CLSTN2: variants seen among roughly 807,000 people sequenced by gnomAD.
The protein encoded by CLSTN2 is calsyntenin-2.
Under a neutral mutation model 101.2 loss-of-function variants are expected in CLSTN2, and 48 were observed. The observed-to-expected ratio is 0.47, with a 90% CI of 0.38 to 0.60. CLSTN2 has a LOEUF of 0.60. Among genes scored for constraint, CLSTN2 ranks in the 20% least tolerant of loss-of-function variants. The pLI is 0.00. For synonymous variants in CLSTN2, 481 were observed against 463.6 expected, an observed-to-expected ratio of 1.04 and a Z score of -0.48; for missense variants, 1,160 against 1,238.2, an observed-to-expected ratio of 0.94 and a Z score of 0.95.
intron 1 of CLSTN2, among the ~76,000 whole-genome samples, chr3:139,988,821 C>A (rs776544722): frequency 6.6e-6 from 1 of 152,056 alleles, no homozygotes; most frequent in Non-Finnish European, 1.5e-5. Flanking sequence ...TGGGATCCTG[C>A]CTGGTTTTAG....
chr3:140,421,298 T>A (rs115916379), intron 5 of CLSTN2, 24 bp downstream of exon 5: 5 of 1,613,504 alleles, frequency 3.1e-6, no homozygotes, highest in Middle Eastern at 1.7e-4. Context: ...ATCAGTCTTG[T>A]GTGAAGGCAG....
chr3:140,541,425 G>A (rs1294890866), intron 9 of CLSTN2, among the ~76,000 whole-genome samples: 2 of 152,186 alleles, frequency 1.3e-5, no homozygotes, highest in African/African-American at 4.8e-5. Flanking sequence ...CTGATTGCAG[G>A]GAGATTTGCA....
rs768831563 is a variant in CLSTN2 at position 140,466,703 on chromosome 3, C to T, written c.1316C>T (p.Pro439Leu). Residue 439 changes from proline to leucine, a missense_variant, in exon 8 of 17, where the codon CCC becomes CTC. Coordinates refer to ENST00000458420, the MANE Select transcript of CLSTN2 (RefSeq NM_022131.3). ...KDFDQADTFR[P>L]AEFHWKLDQI... Reference sequence around the variant, plus strand: ...TTCGACCAGGCTGACACCTTTCGCCCCGCGGAGTTCCACTGGAAGCTGGAT... The same window carrying T: ...TTCGACCAGGCTGACACCTTTCGCCTCGCGGAGTTCCACTGGAAGCTGGAT... 2 of 1,613,994 alleles carry T rather than the reference C, an allele frequency of 1.2e-6. No homozygotes were observed. Among genetic ancestry groups the T allele is most frequent in the Non-Finnish European group, 1.7e-6 (2 of 1,180,002 alleles).
At chr3:140,293,410 T>A (rs978103870) in intron 2 of CLSTN2, among the ~76,000 whole-genome samples, 3 of 152,062 alleles carry the variant, frequency 2.0e-5, no homozygotes, top group Non-Finnish European at 4.4e-5. Context: ...CCCTTCCTCA[T>A]GGGTAGGCCA....
At chr3:140,115,329 T>A (rs902613573) in intron 1 of CLSTN2, among the ~76,000 whole-genome samples, 5 of 152,292 alleles carry the variant, frequency 3.3e-5, no homozygotes, top group Admixed American at 2.0e-4. Flanking sequence ...TCTCTCTGTG[T>A]GTGTTTACAG....
chr3:139,995,157 G>C (rs1204941621), intron 1 of CLSTN2, among the ~76,000 whole-genome samples: 1 of 152,112 alleles, frequency 6.6e-6, no homozygotes, highest in Admixed American at 6.5e-5. Context: ...CTAAGGTCCT[G>C]ATTGCTGTGA....
chr3:140,366,436 A>G (rs2107953742), intron 2 of CLSTN2, among the ~76,000 whole-genome samples: 1 of 152,362 alleles, frequency 6.6e-6, no homozygotes, highest in Middle Eastern at 3.4e-3. Context: ...ATATTTAGAA[A>G]GAAAAATATG....
At chr3:139,942,477 C>T (rs1009037376) in intron 1 of CLSTN2, among the ~76,000 whole-genome samples, 5 of 152,088 alleles carry the variant, frequency 3.3e-5, no homozygotes, top group Non-Finnish European at 5.9e-5. Context: ...CTTCTGACTC[C>T]GTTTTAGGCC....
rs191717361 is a variant in CLSTN2 at position 140,360,995 on chromosome 3, G to A, written c.233-42634G>A. On this transcript the variant is annotated intron_variant, in intron 2 of 16. Transcript: ENST00000458420. Reference sequence around the variant, plus strand: ...GGAAATAGAGGAGGAAGAAATACTTGTTGGTTTTTTCTGTGTGGTCAGTAC... The same window carrying A: ...GGAAATAGAGGAGGAAGAAATACTTATTGGTTTTTTCTGTGTGGTCAGTAC... Among the ~76,000 whole-genome samples, 159 of 152,290 alleles carry A rather than the reference G, an allele frequency of 1.0e-3. 1 individual carries two copies. Among genetic ancestry groups the A allele is most frequent in the African/African-American group, 3.8e-3 (156 of 41,566 alleles).
At chr3:140,002,612 G>C (rs941855839) in intron 1 of CLSTN2, among the ~76,000 whole-genome samples, 1 of 152,064 alleles carries the variant, frequency 6.6e-6, no homozygotes, top group Non-Finnish European at 1.5e-5. Flanking sequence ...TGCTTGCGGG[G>C]TATTACTCAG....
chr3:140,571,166 G>C lies in CLSTN2; in HGVS notation c.*4913G>C, dbSNP rs964832153. 1 of 152,124 alleles carries C rather than the reference G, an allele frequency of 6.6e-6. No individual in the cohort carries two copies. The highest frequency in any genetic ancestry group is 1.5e-5 in the Non-Finnish European group (1 of 68,026). The allele number at this position is 152,124 out of a possible 1,614,324, so 9.4% of individuals were successfully genotyped here. ...TCAGCCCATAATGATCTCTGAGCAGGAGTGTTCATTATCTCAGACTGATTT... is the reference window on the plus strand; with the variant it reads ...TCAGCCCATAATGATCTCTGAGCAGCAGTGTTCATTATCTCAGACTGATTT... On this transcript the variant is annotated 3_prime_UTR_variant, in exon 17 of 17. Coordinates refer to ENST00000458420, the MANE Select transcript of CLSTN2 (RefSeq NM_022131.3).
At chr3:140,058,781 A>C (rs1451332978) in intron 1 of CLSTN2, among the ~76,000 whole-genome samples, 5 of 79,920 alleles carry the variant, frequency 6.3e-5, no homozygotes, top group Non-Finnish European at 1.2e-4. Context: ...GACCCATGAC[A>C]AAAAAAAAAA....
intron 8 of CLSTN2, among the ~76,000 whole-genome samples, chr3:140,518,766 G>A (rs547877743): frequency 1.1e-3 from 166 of 152,284 alleles, no homozygotes; most frequent in African/African-American, 3.9e-3. Flanking sequence ...AAAAGTTCAC[G>A]ACGTGAGCCT....
intron 2 of CLSTN2, among the ~76,000 whole-genome samples, chr3:140,311,472 ATTTTTTTTT>A (rs1241981397): frequency 7.7e-6 from 1 of 129,700 alleles, no homozygotes; most frequent in Non-Finnish European, 1.6e-5. Context: ...TGCCTGGCTA[ATTTTTTTTT>A]TTTTTTTTTA....
intron 8 of CLSTN2, among the ~76,000 whole-genome samples, chr3:140,503,537 A>G (rs1934623629): frequency 6.6e-6 from 1 of 152,034 alleles, no homozygotes; most frequent in Non-Finnish European, 1.5e-5. Flanking sequence ...CAATGAAGAA[A>G]TAACCGAAGG....
In CLSTN2 at chr3:140,511,716, A is replaced by ATTT. The variant is rs34793896; in HGVS notation, c.1345-20596_1345-20594dup. Among the ~76,000 whole-genome samples, 389 of 142,434 alleles carry ATTT rather than the reference A, an allele frequency of 2.7e-3. 1 individual carries two copies. Among genetic ancestry groups the ATTT allele is most frequent in the East Asian group, 0.023 (112 of 4,908 alleles). 93.4% of individuals were successfully genotyped at this position (142,434 alleles called of 152,430 possible). A position where few individuals can be genotyped will look rare whatever the true frequency, so the allele number is the denominator to read the frequency against. On this transcript the variant is annotated intron_variant, in intron 8 of 16. Transcript: ENST00000458420. ...AGATGCCAGCCACCACACCTGGCTA[A>ATTT]TTTTTTTTTTTTTTGTATTTTTAGT...
At chr3:140,096,206 A>G (rs886264981) in intron 1 of CLSTN2, among the ~76,000 whole-genome samples, 1 of 152,094 alleles carries the variant, frequency 6.6e-6, no homozygotes, top group Admixed American at 6.5e-5. Flanking sequence ...CAGTGGTTTC[A>G]TGCTGTCCCC....
intron 6 of CLSTN2, among the ~76,000 whole-genome samples, chr3:140,456,494 A>G (rs1431852309): frequency 6.6e-6 from 1 of 152,232 alleles, no homozygotes; most frequent in Non-Finnish European, 1.5e-5. Context: ...CTGTAACTAT[A>G]AAAAATAAGG....
intron 1 of CLSTN2, among the ~76,000 whole-genome samples, chr3:140,068,062 A>C (rs1283718801): frequency 6.6e-6 from 1 of 152,208 alleles, no homozygotes; most frequent in East Asian, 1.9e-4. Flanking sequence ...CAGAGAGTTA[A>C]ATCCAAATAC....
Sources: gnomAD v4.1 joint callset for allele counts (sites outside exome capture counted in the v4.1 genomes callset) on GRCh38, gnomAD v4.1.1 for gene constraint, MANE v1.5 for transcripts, NCBI Gene and HGNC (gene_info 2026-07-23, HGNC 2026-07-21) for gene names.